Variants in ZNF107 observed in about 807,000 individuals in gnomAD.
ZNF107 encodes zinc finger protein 107.
Under a neutral mutation model 12.3 loss-of-function variants are expected in ZNF107, and 19 were observed. That is an observed-to-expected ratio of 1.55 (90% CI 1.08 to 2.27). ZNF107 has a LOEUF of 2.27. Among genes scored for constraint, ZNF107 ranks in the 30% most tolerant of loss-of-function variants. ZNF107 has a pLI of 0.00. For synonymous variants in ZNF107, 317 were observed against 330.5 expected (o/e 0.96, Z 0.44); for missense variants, 958 against 979.9 (o/e 0.98, Z 0.30).
intron 3 of ZNF107, among the ~76,000 whole-genome samples, chr7:64,694,513 T>G (rs200295452): frequency 3.6e-5 from 2 of 55,092 alleles, no homozygotes; most frequent in African/African-American, 7.3e-5. Flanking sequence ...TTTTTTTTTG[T>G]TTTTTTTTGT....
At chr7:64,679,310 A>G (rs555990914) in intron 1 of ZNF107, 40 of 985,014 alleles carry the variant, frequency 4.1e-5, no homozygotes, top group Non-Finnish European at 4.7e-5. Context: ...CCAGCTCTGT[A>G]AAAGCCCCGC....
intron 1 of ZNF107, among the ~76,000 whole-genome samples, chr7:64,669,787 CA>C (rs900074721): frequency 6.7e-6 from 1 of 149,378 alleles, no homozygotes; most frequent in Non-Finnish European, 1.5e-5. Context: ...GACTCTGTCT[CA>C]AAAAAAAAGA....
intron 1 of ZNF107, among the ~76,000 whole-genome samples, chr7:64,667,803 A>G (rs1439536476): frequency 2.0e-5 from 3 of 152,072 alleles, no homozygotes; most frequent in Admixed American, 6.6e-5. Flanking sequence ...AGGCATTAAG[A>G]TTGTGTTCAC....
chr7:64,674,106 A>G (rs139270657), intron 1 of ZNF107, among the ~76,000 whole-genome samples: 2 of 148,548 alleles, frequency 1.3e-5, no homozygotes, highest in South Asian at 2.2e-4. Context: ...GTTGTTCCAT[A>G]TGAATTTTAA....
chr7:64,691,819 G>A (rs1380212259), intron 2 of ZNF107, 46 bp from the exon 3 acceptor site: 3 of 1,130,990 alleles, frequency 2.7e-6, no homozygotes, highest in Non-Finnish European at 3.4e-6. Flanking sequence ...AGTAATTGGA[G>A]AATATGATTA....
At chr7:64,702,383 C>T (rs922775864) in intron 3 of ZNF107, among the ~76,000 whole-genome samples, 13 of 152,138 alleles carry the variant, frequency 8.5e-5, no homozygotes, top group Non-Finnish European at 1.5e-4. Context: ...GATCCACCCG[C>T]CTCAACCTCC....
At chr7:64,694,991 C>G (rs563787593) in intron 3 of ZNF107, among the ~76,000 whole-genome samples, 1 of 151,978 alleles carries the variant, frequency 6.6e-6, no homozygotes, top group South Asian at 2.1e-4. Flanking sequence ...CAGCCTATAT[C>G]TAAATAATAA....
intron 1 of ZNF107, among the ~76,000 whole-genome samples, chr7:64,667,428 A>G (rs938334562): frequency 1.5e-4 from 22 of 151,628 alleles, no homozygotes; most frequent in African/African-American, 5.1e-4. Context: ...TGTATTGTAA[A>G]AAAAAGTCTG....
chr7:64,709,312 C>T lies in ZNF107; in HGVS notation c.*656C>T. ...AACCCTACAAATGTAAAAAACGTGGCAATGCCTTTAACTGGTCCTCACACC... is the reference window on the plus strand; with the variant it reads ...AACCCTACAAATGTAAAAAACGTGGTAATGCCTTTAACTGGTCCTCACACC... On this transcript the variant is annotated 3_prime_UTR_variant, in exon 4 of 4. Transcript: ENST00000620827. 1 of 340,520 alleles carries T rather than the reference C, an allele frequency of 2.9e-6. No individual in the cohort carries two copies. Among genetic ancestry groups the T allele is most frequent in the Non-Finnish European group, 5.8e-6 (1 of 173,900 alleles). 21.1% of individuals were successfully genotyped at this position (340,520 alleles called of 1,614,324 possible).
chr7:64,676,640 C>A (rs1171392808), intron 1 of ZNF107, among the ~76,000 whole-genome samples: 1 of 152,176 alleles, frequency 6.6e-6, no homozygotes, highest in African/African-American at 2.4e-5. Flanking sequence ...CTGCCTTTCC[C>A]TTTTGGTTCC....
chr7:64,686,172 C>A (rs572641155), intron 1 of ZNF107, among the ~76,000 whole-genome samples: 1 of 152,244 alleles, frequency 6.6e-6, no homozygotes, highest in East Asian at 1.9e-4. Flanking sequence ...TTTCCACCAA[C>A]CAGTCTGGAC....
intron 1 of ZNF107, chr7:64,690,136 T>C (rs1790065938): frequency 6.1e-6 from 1 of 163,240 alleles, no homozygotes; most frequent in African/African-American, 2.4e-5. Flanking sequence ...TTTGGGCCAC[T>C]TTCTTTATAT....
chr7:64,684,967 G>A (rs947713705), intron 1 of ZNF107, among the ~76,000 whole-genome samples: 11 of 152,044 alleles, frequency 7.2e-5, no homozygotes, highest in South Asian at 4.1e-4. Context: ...TACCACTTAC[G>A]TTGCCACTCT....
At chr7:64,671,433 A>G (rs1181932742) in intron 1 of ZNF107, among the ~76,000 whole-genome samples, 2 of 152,184 alleles carry the variant, frequency 1.3e-5, no homozygotes, top group African/African-American at 2.4e-5. Flanking sequence ...GTCTCCTGAC[A>G]TATTCCTATT....
At chr7:64,673,106 C>G (rs1378154628) in intron 1 of ZNF107, among the ~76,000 whole-genome samples, 1 of 152,116 alleles carries the variant, frequency 6.6e-6, no homozygotes, top group Non-Finnish European at 1.5e-5. Context: ...TGCAGTGGCA[C>G]GATCTTGGCT....
chr7:64,697,011 C>T (rs1279788891), intron 3 of ZNF107, among the ~76,000 whole-genome samples: 1 of 148,976 alleles, frequency 6.7e-6, no homozygotes, highest in Non-Finnish European at 1.5e-5. Context: ...TGTTCCCCTT[C>T]CTGTGTCCAA....
chr7:64,710,163 G>A lies in ZNF107; in HGVS notation c.*1507G>A, dbSNP rs999433863. 6.3e-6 allele frequency: 1 copy of A among 158,542 alleles called. No individual in the cohort carries two copies. The highest frequency in any genetic ancestry group is 1.8e-4 in the South Asian group (1 of 5,476). The allele number at this position is 158,542 out of a possible 1,614,324, so 9.8% of individuals were successfully genotyped here. ...AACAAAAAAAGAGTATTCATTGTGAGGACAAACAATACAAATACGAAGAGG... is the reference window on the plus strand; with the variant it reads ...AACAAAAAAAGAGTATTCATTGTGAAGACAAACAATACAAATACGAAGAGG... On this transcript the variant is annotated 3_prime_UTR_variant, in exon 4 of 4. Coordinates refer to ENST00000620827, the MANE Select transcript of ZNF107 (RefSeq NM_001282359.2).
chr7:64,707,354 T>C lies in ZNF107; in HGVS notation c.1257T>C (p.His419=). 1 of 1,613,334 alleles carries C rather than the reference T, an allele frequency of 6.2e-7. No individual in the cohort carries two copies. The highest frequency in any genetic ancestry group is 1.1e-5 in the South Asian group (1 of 91,052). Residue 419 remains histidine, a synonymous_variant, in exon 4 of 4, where the codon CAT becomes CAC. Coordinates refer to ENST00000620827, the MANE Select transcript of ZNF107 (RefSeq NM_001282359.2). ...CTCTTACTAGACATAAGATAATTCA[T>C]ACTGGAGAGAAACCCTACAAATGTA... ...FSTLTRHKII[H]TGEKPYKCKE... is the part of the protein sequence containing the mutation.
chr7:64,671,874 C>T (rs1196987527), intron 1 of ZNF107, among the ~76,000 whole-genome samples: 3 of 150,950 alleles, frequency 2.0e-5, no homozygotes, highest in Non-Finnish European at 3.0e-5. Context: ...CTCTGCCTCC[C>T]GGGTTCAGGC....
Sources: allele counts gnomAD v4.1 joint callset (sites outside exome capture counted in the v4.1 genomes callset), GRCh38; gene constraint gnomAD v4.1.1; transcripts MANE v1.5; gene names NCBI Gene and HGNC (gene_info 2026-07-23, HGNC 2026-07-21).